Variants in FOCAD observed in about 807,000 individuals in gnomAD.
FOCAD encodes the protein focadhesin.
FOCAD carries 198 observed loss-of-function variants against 225.6 expected under a neutral mutation model. The ratio of observed to expected loss-of-function variants is 0.88; its 90% CI spans 0.78 to 0.99. The LOEUF is 0.99. FOCAD is among the 50% of genes least tolerant of loss of function. The probability of loss-of-function intolerance (pLI) is 0.00; values close to 1 mark genes in which losing one functional copy is unlikely to be tolerated. For missense variants in FOCAD, 2,713 were observed against 2,123.6 expected (o/e 1.28, Z -5.46); for synonymous variants, 897 against 755.0 (o/e 1.19, Z -3.08).
intron 21 of FOCAD, among the ~76,000 whole-genome samples, chr9:20,901,437 G>A (rs1475047290): frequency 3.3e-5 from 5 of 151,734 alleles, no homozygotes; most frequent in South Asian, 2.1e-4. Context: ...ATTCTAGTTC[G>A]ACAATCAAAG....
chr9:20,702,439 A>G (rs1178909637), intron 1 of FOCAD, among the ~76,000 whole-genome samples: 2 of 152,106 alleles, frequency 1.3e-5, no homozygotes, highest in Non-Finnish European at 2.9e-5. Flanking sequence ...AGTCAACTGT[A>G]TCTATACTTT....
rs1326832518 is a variant in FOCAD, at chr9:20,978,447, G to T, written c.4370G>T (p.Ser1457Ile). 1.9e-6 allele frequency: 3 copies of T among 1,604,762 alleles called. No individual in the cohort carries two copies. Among genetic ancestry groups the T allele is most frequent in the Admixed American group, 3.4e-5 (2 of 59,130 alleles). ...GLWVTPPLIH[S>I]LSLNTKRYLL... ...TGGGTGACACCACCACTGATCCACA[G>T]TCTGAGTGTATGTAGTAACTAAGGG... Residue 1457 changes from serine (S) to isoleucine (I), a missense_variant, in exon 37 of 44, where the codon AGT becomes ATT. Physicochemically the swap from Ser to Ile is moderately radical, Grantham distance 142. Transcript: ENST00000338382.
At chr9:20,751,368 T>C (rs1157356175) in intron 5 of FOCAD, among the ~76,000 whole-genome samples, 1 of 116,408 alleles carries the variant, frequency 8.6e-6, no homozygotes, top group Non-Finnish European at 1.7e-5. Context: ...TGTCCATGTG[T>C]TCTCATTGTT....
At chr9:20,802,175 T>A (rs1821914699) in intron 11 of FOCAD, among the ~76,000 whole-genome samples, 1 of 152,152 alleles carries the variant, frequency 6.6e-6, no homozygotes, top group Non-Finnish European at 1.5e-5. Context: ...ATTGGACTTT[T>A]GGAAGCTGTG....
chr9:20,871,922 TA>T (rs11390998), intron 18 of FOCAD, among the ~76,000 whole-genome samples: 1 of 147,216 alleles, frequency 6.8e-6, no homozygotes, highest in African/African-American at 2.5e-5. Context: ...AATAATAAAA[TA>T]AAAAAAATTA....
Position 20,859,443 on chromosome 9 carries a change from T to C in FOCAD, c.1921-3135T>C, listed in dbSNP as rs980180977. 3.3e-5 allele frequency among the ~76,000 whole-genome samples: 5 copies of C among 151,264 alleles called. No homozygotes were observed. In the East Asian group the frequency reaches 9.6e-4, roughly 29 times the overall value. On this transcript the variant is annotated intron_variant, in intron 15 of 43. Transcript: ENST00000338382. ...CAATTGTTCCTTTGCAGGTAGTCTG[T>C]ATTTTTTCCCTTTAACTTTGAAGAT...
chr9:20,979,407 C>T (rs1029270026), intron 37 of FOCAD, among the ~76,000 whole-genome samples: 16 of 152,140 alleles, frequency 1.1e-4, no homozygotes, highest in Non-Finnish European at 7.3e-5. Context: ...GGCAGAATCT[C>T]GACTCACTGC....
At chr9:20,905,927 T>C (rs920783570) in intron 21 of FOCAD, among the ~76,000 whole-genome samples, 3 of 72,712 alleles carry the variant, frequency 4.1e-5, no homozygotes. Flanking sequence ...TTTTATACTG[T>C]TTGAGATTTT....
chr9:20,757,793 G>A (rs1829191529), intron 5 of FOCAD, among the ~76,000 whole-genome samples: 1 of 152,144 alleles, frequency 6.6e-6, no homozygotes, highest in Non-Finnish European at 1.5e-5. Flanking sequence ...GCTGGATTCA[G>A]GAGCTTGGCC....
At chr9:20,788,057 G>T (rs114850715) in intron 10 of FOCAD, among the ~76,000 whole-genome samples, 1,958 of 152,166 alleles carry the variant, frequency 0.013, 52 homozygotes, top group African/African-American at 0.045. Context: ...GCCAAAATGT[G>T]GAAACAACCC....
At chr9:20,982,493 T>C (rs749059662) in intron 39 of FOCAD, 47 bp downstream of exon 39, 1 of 1,492,092 alleles carries the variant, frequency 6.7e-7, no homozygotes, top group Non-Finnish European at 9.3e-7. Context: ...GAGCCAGAAA[T>C]TACGATTGAA....
At chr9:20,730,508 T>G (rs1042746894) in intron 4 of FOCAD, among the ~76,000 whole-genome samples, 4 of 152,214 alleles carry the variant, frequency 2.6e-5, no homozygotes, top group African/African-American at 9.6e-5. Context: ...TTGATGTATT[T>G]CAGTCCTCTT....
chr9:20,969,991 G>GT (rs60438771), intron 35 of FOCAD, among the ~76,000 whole-genome samples: 138,221 of 146,728 alleles, frequency 0.94, 65,512 homozygotes, highest in South Asian at 0.99. Context: ...TTCGATGACA[G>GT]TTTTTTTTTT....
At chr9:20,764,725 G>T in intron 6 of FOCAD, 144 bp from the exon 7 acceptor site, 1 of 672,904 alleles carries the variant, frequency 1.5e-6, no homozygotes, top group South Asian at 1.9e-5. Flanking sequence ...AGGTCATAGC[G>T]GAATAGAAGA....
chr9:20,824,090 A>G (rs1000357668), intron 15 of FOCAD, among the ~76,000 whole-genome samples: 7 of 152,122 alleles, frequency 4.6e-5, no homozygotes, highest in African/African-American at 9.7e-5. Flanking sequence ...GGTAAGGACA[A>G]TGCTTTCACA....
intron 11 of FOCAD, 56 bp downstream of exon 11, chr9:20,789,664 G>A: frequency 5.0e-6 from 8 of 1,587,498 alleles, no homozygotes; most frequent in South Asian, 4.5e-5. Context: ...CATTGGAAAT[G>A]TAGATTATTC....
chr9:20,667,650 C>A (rs1042908875), intron 2 of FOCAD, among the ~76,000 whole-genome samples: 2 of 152,196 alleles, frequency 1.3e-5, no homozygotes, highest in African/African-American at 2.4e-5. Context: ...TTCCAAGTAT[C>A]TTTTAGGTGC....
chr9:20,724,288 A>G (rs897984309), intron 4 of FOCAD, among the ~76,000 whole-genome samples: 11 of 152,130 alleles, frequency 7.2e-5, no homozygotes, highest in East Asian at 1.9e-4. Flanking sequence ...TCAATTTCCT[A>G]TTATTTCTAA....
At chr9:20,833,663 T>G (rs879642103) in intron 15 of FOCAD, among the ~76,000 whole-genome samples, 4 of 152,012 alleles carry the variant, frequency 2.6e-5, no homozygotes, top group Non-Finnish European at 5.9e-5. Flanking sequence ...TGTCCTTTAT[T>G]TTAGCATTGC....
Sources: gnomAD v4.1 joint callset for allele counts (sites outside exome capture counted in the v4.1 genomes callset) on GRCh38, gnomAD v4.1.1 for gene constraint, MANE v1.5 for transcripts, NCBI Gene and HGNC (gene_info 2026-07-23, HGNC 2026-07-21) for gene names.